The following KCNQ3 variants were observed in gnomAD, a reference collection of about 807,000 sequenced individuals.
KCNQ3 encodes potassium voltage-gated channel subfamily Q member 3.
A neutral mutation model predicts 92.5 loss-of-function variants in KCNQ3; 30 were observed. The observed-to-expected ratio is 0.32, with a 90% CI of 0.24 to 0.44. KCNQ3 has a LOEUF of 0.44. KCNQ3 is among the 20% of genes least tolerant of loss of function. The pLI is 1.00. For missense variants in KCNQ3, 913 were observed against 1,140.3 expected, an observed-to-expected ratio of 0.80 and a Z score of 2.87; for synonymous variants, 450 against 468.8, an observed-to-expected ratio of 0.96 and a Z score of 0.52.
intron 1 of KCNQ3, 137 bp from the exon 2 acceptor site, chr8:132,186,318 T>G (rs974012639): frequency 2.9e-6 from 2 of 691,684 alleles, no homozygotes; most frequent in Non-Finnish European, 5.3e-6. Context: ...TGCTATCCCA[T>G]TCAATCTTCA....
intron 1 of KCNQ3, among the ~76,000 whole-genome samples, chr8:132,431,200 C>A (rs1821241553): frequency 6.6e-6 from 1 of 152,142 alleles, no homozygotes; most frequent in Non-Finnish European, 1.5e-5. Flanking sequence ...CCTACTCTCC[C>A]TAGGAGAGTT....
At chr8:132,417,824 T>C (rs1820859150) in intron 1 of KCNQ3, among the ~76,000 whole-genome samples, 1 of 152,208 alleles carries the variant, frequency 6.6e-6, no homozygotes, top group South Asian at 2.1e-4. Flanking sequence ...ATTCAGAACC[T>C]AGTTCTGGAA....
At chr8:132,344,718 G>A (rs1322831810) in intron 1 of KCNQ3, among the ~76,000 whole-genome samples, 1 of 152,150 alleles carries the variant, frequency 6.6e-6, no homozygotes, top group African/African-American at 2.4e-5. Context: ...CAGGTTCAGG[G>A]TATAGAAAGC....
chr8:132,240,889 A>AT (rs34829586), intron 1 of KCNQ3, among the ~76,000 whole-genome samples: 100,284 of 149,944 alleles, frequency 0.67, 34,545 homozygotes, highest in East Asian at 0.9. Flanking sequence ...GCTAGCTACA[A>AT]TTTTTTTTTT....
intron 7 of KCNQ3, among the ~76,000 whole-genome samples, chr8:132,171,279 C>T (rs947634738): frequency 6.6e-5 from 10 of 152,010 alleles, no homozygotes; most frequent in African/African-American, 1.9e-4. Context: ...CCACAATATG[C>T]GGGATGACAT....
intron 1 of KCNQ3, among the ~76,000 whole-genome samples, chr8:132,403,004 G>A (rs1159065151): frequency 9.9e-5 from 5 of 50,484 alleles, no homozygotes; most frequent in Middle Eastern, 0.019. Flanking sequence ...GCAACAGGGC[G>A]AGGCACCATC....
At chr8:132,330,944 C>G (rs1818210258) in intron 1 of KCNQ3, among the ~76,000 whole-genome samples, 1 of 152,192 alleles carries the variant, frequency 6.6e-6, no homozygotes, top group African/African-American at 2.4e-5. Flanking sequence ...CCATGATCAG[C>G]ACATCATAGT....
At chr8:132,418,480 A>C (rs1820880037) in intron 1 of KCNQ3, among the ~76,000 whole-genome samples, 1 of 152,170 alleles carries the variant, frequency 6.6e-6, no homozygotes, top group African/African-American at 2.4e-5. Flanking sequence ...CACCCTCCTC[A>C]ATTGCTAAAT....
At chr8:132,214,554 C>T (rs756216021) in intron 1 of KCNQ3, among the ~76,000 whole-genome samples, 1 of 152,182 alleles carries the variant, frequency 6.6e-6, no homozygotes, top group South Asian at 2.1e-4. Flanking sequence ...TCCCTCCCCT[C>T]CCCTCTCCCC....
chr8:132,282,992 A>G (rs1307630538), intron 1 of KCNQ3, among the ~76,000 whole-genome samples: 1 of 152,110 alleles, frequency 6.6e-6, no homozygotes, highest in Non-Finnish European at 1.5e-5. Flanking sequence ...GGGCAGAGAA[A>G]AGAAAGGAAG....
At chr8:132,158,682 A>G (rs1355207715) in intron 9 of KCNQ3, among the ~76,000 whole-genome samples, 2 of 152,206 alleles carry the variant, frequency 1.3e-5, no homozygotes, top group East Asian at 3.8e-4. Flanking sequence ...CAAGTCACTT[A>G]TCTATCTGAC....
chr8:132,439,477 C>T lies in KCNQ3; in HGVS notation c.386+40670G>A, dbSNP rs552467678. ...TCCATTAAAGATATTCATGTTTTAA[C>T]CCCCAGAATCTGTGCTATGCTAGGT... On this transcript the variant is annotated intron_variant, in intron 1 of 14. Transcript: ENST00000388996. 4.9e-4 allele frequency among the ~76,000 whole-genome samples: 75 copies of T among 152,174 alleles called. 1 individual carries two copies. The highest frequency in any genetic ancestry group is 1.8e-3 in the African/African-American group (75 of 41,524).
intron 1 of KCNQ3, among the ~76,000 whole-genome samples, chr8:132,416,520 T>C (rs1820813348): frequency 6.6e-6 from 1 of 152,134 alleles, no homozygotes; most frequent in African/African-American, 2.4e-5. Context: ...CTCAGGAGGC[T>C]GAGGCAGGAG....
intron 11 of KCNQ3, among the ~76,000 whole-genome samples, chr8:132,139,506 A>G (rs1320998638): frequency 6.6e-6 from 1 of 152,232 alleles, no homozygotes; most frequent in Admixed American, 6.5e-5. Context: ...ATTCACTGCT[A>G]CCTTTATGAA....
chr8:132,442,940 A>C (rs894587531), intron 1 of KCNQ3, among the ~76,000 whole-genome samples: 1 of 152,154 alleles, frequency 6.6e-6, no homozygotes, highest in African/African-American at 2.4e-5. Context: ...CCTCTCCCCG[A>C]ATCTGTGCTC....
At chr8:132,470,969 T>TA (rs1822287085) in intron 1 of KCNQ3, among the ~76,000 whole-genome samples, 1 of 152,220 alleles carries the variant, frequency 6.6e-6, no homozygotes, top group South Asian at 2.1e-4. Flanking sequence ...TCCACTGAAT[T>TA]ACGTCAGAAG....
chr8:132,395,707 C>T (rs1462727236), intron 1 of KCNQ3, among the ~76,000 whole-genome samples: 1 of 152,222 alleles, frequency 6.6e-6, no homozygotes, highest in East Asian at 1.9e-4. Flanking sequence ...ATGCCTGGAG[C>T]TTTCTAAGTT....
At chr8:132,451,919 GA>G (rs1821828761) in intron 1 of KCNQ3, among the ~76,000 whole-genome samples, 1 of 152,058 alleles carries the variant, frequency 6.6e-6, no homozygotes, top group Non-Finnish European at 1.5e-5. Context: ...CAGGTCAAGA[GA>G]AAAATGGGAC....
At chr8:132,204,114 T>C (rs1813565861) in intron 1 of KCNQ3, among the ~76,000 whole-genome samples, 1 of 152,176 alleles carries the variant, frequency 6.6e-6, no homozygotes, top group Admixed American at 6.5e-5. Context: ...GACGTCAAAG[T>C]GGGAAAAATG....
Sources: gnomAD v4.1 joint callset for allele counts (sites outside exome capture counted in the v4.1 genomes callset) on GRCh38, gnomAD v4.1.1 for gene constraint, MANE v1.5 for transcripts, NCBI Gene and HGNC (gene_info 2026-07-23, HGNC 2026-07-21) for gene names.